SCAF4: variants seen among roughly 807,000 people sequenced by gnomAD.
SCAF4 encodes the protein SR-related CTD associated factor 4.
In SCAF4, 25 loss-of-function variants were observed where a neutral mutation model predicts 129.8. That is an observed-to-expected ratio of 0.19 (90% CI 0.14 to 0.27). The LOEUF (loss-of-function observed/expected upper bound fraction) is 0.27. Among genes scored for constraint, SCAF4 ranks in the 10% least tolerant of loss-of-function variants. The pLI is 1.00. For synonymous variants in SCAF4, 551 were observed against 497.7 expected (o/e 1.11, Z -1.43); for missense variants, 1,246 against 1,457.1 (o/e 0.86, Z 2.36).
intron 1 of SCAF4, among the ~76,000 whole-genome samples, chr21:31,709,371 A>C (rs937424811): frequency 6.6e-6 from 1 of 152,000 alleles, no homozygotes; most frequent in African/African-American, 2.4e-5. Context: ...AAAAGAAAGA[A>C]AGAAAGAAAG....
In SCAF4 at chr21:31,731,698, C is replaced by T. The variant is rs1378964554; in HGVS notation, c.-6G>A. The stretch of plus-strand genomic sequence containing the variant: ...AAGGCGTTGACGGCGTCCATGTTCG[C>T]GCTGCGGCGGCGGCTGCTCCGGGCC... On this transcript the variant is annotated 5_prime_UTR_variant, in exon 1 of 20. Transcript: ENST00000286835. 2.5e-6 allele frequency: 4 copies of T among 1,582,368 alleles called. No homozygotes were observed. The highest frequency in any genetic ancestry group is 2.4e-5 in the East Asian group (1 of 41,318).
intron 4 of SCAF4, among the ~76,000 whole-genome samples, chr21:31,702,881 T>C (rs2050568364): frequency 1.3e-5 from 2 of 152,160 alleles, no homozygotes; most frequent in African/African-American, 2.4e-5. Flanking sequence ...GGTGTATTTT[T>C]CCCACAAGAG....
intron 7 of SCAF4, among the ~76,000 whole-genome samples, chr21:31,700,010 C>G (rs1353911793): frequency 1.3e-5 from 2 of 151,882 alleles, no homozygotes; most frequent in Non-Finnish European, 2.9e-5. Flanking sequence ...TTCTGTTGCC[C>G]AGGCTAGTGG....
intron 12 of SCAF4, 61 bp from the exon 13 acceptor site, chr21:31,692,510 T>C: frequency 9.0e-7 from 1 of 1,108,616 alleles, no homozygotes; most frequent in East Asian, 2.5e-5. Context: ...CACTGTAGCT[T>C]ACATTAAAAA....
chr21:31,705,031 G>C (rs571129571), intron 3 of SCAF4, among the ~76,000 whole-genome samples: 8 of 152,130 alleles, frequency 5.3e-5, no homozygotes, highest in Non-Finnish European at 1.0e-4. Flanking sequence ...ACAGACAGCT[G>C]AACTGAAAAT....
intron 1 of SCAF4, among the ~76,000 whole-genome samples, chr21:31,721,237 G>C (rs2051059599): frequency 6.6e-6 from 1 of 152,154 alleles, no homozygotes; most frequent in African/African-American, 2.4e-5. Flanking sequence ...AAAATAGATA[G>C]TGGTAAAAGA....
chr21:31,694,083 T>C, intron 11 of SCAF4, 121 bp downstream of exon 11: 1 of 585,538 alleles, frequency 1.7e-6, no homozygotes, highest in Non-Finnish European at 3.0e-6. Flanking sequence ...CATATACAAA[T>C]ACAAACATAC....
chr21:31,713,614 C>G (rs537759743), intron 1 of SCAF4, among the ~76,000 whole-genome samples: 7 of 152,022 alleles, frequency 4.6e-5, no homozygotes, highest in African/African-American at 1.7e-4. Context: ...ATATGAAGGA[C>G]AACAGCCCAG....
intron 14 of SCAF4, 116 bp downstream of exon 14, chr21:31,691,701 G>A: frequency 3.9e-6 from 1 of 258,670 alleles, no homozygotes; most frequent in East Asian, 7.2e-5. Context: ...AGATGCACAT[G>A]AAATGCCTCA....
chr21:31,687,225 G>T (rs2050146849), intron 16 of SCAF4, among the ~76,000 whole-genome samples: 2 of 152,172 alleles, frequency 1.3e-5, no homozygotes, highest in African/African-American at 4.8e-5. Flanking sequence ...ATCACACATA[G>T]AACTATGGGT....
chr21:31,712,073 G>C (rs796208848), intron 1 of SCAF4, among the ~76,000 whole-genome samples: 3 of 152,036 alleles, frequency 2.0e-5, no homozygotes, highest in African/African-American at 7.2e-5. Context: ...TTTACCTTAG[G>C]GCATGAGGGA....
intron 1 of SCAF4, among the ~76,000 whole-genome samples, chr21:31,720,277 G>C (rs1271848777): frequency 6.6e-6 from 1 of 152,174 alleles, no homozygotes; most frequent in East Asian, 1.9e-4. Context: ...TCCTTAATGA[G>C]TTAAAATTTT....
Position 31,688,321 on chromosome 21 carries a change from C to T in SCAF4, c.2029G>A (p.Val677Met). 1.9e-6 allele frequency: 3 copies of T among 1,612,800 alleles called. No individual in the cohort carries two copies. Among genetic ancestry groups the T allele is most frequent in the Non-Finnish European group, 2.5e-6 (3 of 1,179,386 alleles). Reference sequence around the variant, plus strand: ...AATATTCTCACCTGTGGAGGTGGCACTGTTATAGGTGCAGGAACAGGAATA... The same window carrying T: ...AATATTCTCACCTGTGGAGGTGGCATTGTTATAGGTGCAGGAACAGGAATA... ...PPIPVPAPIT[V>M]PPPQVPPHQP... Residue 677 changes from valine (V) to methionine (M), a missense_variant, in exon 16 of 20, where the codon GTG becomes ATG. Around this residue, in one of 6 missense-constraint regions of SCAF4, gnomAD observed 468 missense variants for 605.5 expected, o/e 0.77. Coordinates refer to ENST00000286835, the MANE Select transcript of SCAF4 (RefSeq NM_020706.2).
intron 1 of SCAF4, among the ~76,000 whole-genome samples, chr21:31,729,875 G>A (rs1645512986): frequency 1.3e-5 from 2 of 152,158 alleles, no homozygotes; most frequent in South Asian, 4.1e-4. Context: ...TACTGATTGT[G>A]CCTTTTCAGG....
rs540502729 is a variant in SCAF4 at position 31,691,060 on chromosome 21, G to A, written c.1729-107C>T. On this transcript the variant is annotated intron_variant, in intron 14 of 19. Coordinates refer to ENST00000286835, the MANE Select transcript of SCAF4 (RefSeq NM_020706.2). The stretch of plus-strand genomic sequence containing the variant: ...CCATTCCGACTCGGGCACCAAGGGA[G>A]CAATCTGGACCAGCTAGGCTTGGAT... 444 of 833,108 alleles carry A rather than the reference G, an allele frequency of 5.3e-4. No homozygotes were observed. The African/African-American group carries it at 6.0e-3, about 11-fold the overall frequency. 51.6% of individuals were successfully genotyped at this position (833,108 alleles called of 1,614,324 possible).
chr21:31,709,998 G>A (rs1172422925), intron 1 of SCAF4, among the ~76,000 whole-genome samples: 10 of 151,756 alleles, frequency 6.6e-5, no homozygotes, highest in Non-Finnish European at 1.5e-4. Context: ...GACTAAATTT[G>A]TGCAGAGACC....
At chr21:31,706,774 C>G in intron 1 of SCAF4, 2 of 230,002 alleles carry the variant, frequency 8.7e-6, no homozygotes, top group South Asian at 1.2e-4. Context: ...AGTGACTAAC[C>G]AAGAAACTAA....
intron 1 of SCAF4, among the ~76,000 whole-genome samples, chr21:31,725,450 A>G (rs1358982225): frequency 1.3e-5 from 2 of 152,224 alleles, no homozygotes; most frequent in African/African-American, 4.8e-5. Context: ...GCCCAACTGG[A>G]TAAGTGTACC....
At chr21:31,681,996 T>C (rs1242282109) in intron 19 of SCAF4, among the ~76,000 whole-genome samples, 5 of 152,156 alleles carry the variant, frequency 3.3e-5, no homozygotes, top group Non-Finnish European at 7.4e-5. Flanking sequence ...ACTACAGATA[T>C]CTAGTAGGTG....
Sources: allele counts gnomAD v4.1 joint callset (sites outside exome capture counted in the v4.1 genomes callset), GRCh38; gene constraint gnomAD v4.1.1; regional missense constraint gnomAD v4.1.1; transcripts MANE v1.5; gene names NCBI Gene and HGNC (gene_info 2026-07-23, HGNC 2026-07-21).